NPTN: variants seen among roughly 807,000 people sequenced by gnomAD.
The protein encoded by NPTN is SDR-1.
A neutral mutation model predicts 42.7 loss-of-function variants in NPTN; 5 were observed. That is an observed-to-expected ratio of 0.12 (90% CI 0.06 to 0.25). The LOEUF (loss-of-function observed/expected upper bound fraction) is 0.25, where lower values mean the gene tolerates loss of function less well. Ranked by LOEUF, NPTN falls within the 10% of genes least tolerant of loss-of-function variation. The pLI is 1.00. For synonymous variants in NPTN, 180 were observed against 201.9 expected (o/e 0.89, Z 0.92); for missense variants, 307 against 525.4 (o/e 0.58, Z 4.06).
At chr15:73,575,219 G>A (rs1429190482) in intron 4 of NPTN, among the ~76,000 whole-genome samples, 1 of 152,068 alleles carries the variant, frequency 6.6e-6, no homozygotes, top group Non-Finnish European at 1.5e-5. Flanking sequence ...CTGACCTCAG[G>A]TGTTCTGCCC....
intron 4 of NPTN, among the ~76,000 whole-genome samples, 188 bp downstream of exon 4, chr15:73,587,336 C>T (rs1896365111): frequency 6.6e-6 from 1 of 152,156 alleles, no homozygotes; most frequent in African/African-American, 2.4e-5. Context: ...CAAGGCCACA[C>T]AGCTAGTAGA....
At chr15:73,576,189 C>G (rs1895687301) in intron 4 of NPTN, among the ~76,000 whole-genome samples, 1 of 152,206 alleles carries the variant, frequency 6.6e-6, no homozygotes, top group Admixed American at 6.5e-5. Context: ...ATTCATCTGG[C>G]AAACACCTGC....
At chr15:73,608,104 G>C (rs145435304) in intron 1 of NPTN, among the ~76,000 whole-genome samples, 4 of 152,318 alleles carry the variant, frequency 2.6e-5, no homozygotes, top group African/African-American at 7.2e-5. Context: ...GTGTCACTAT[G>C]ATTTCAAAAC....
At chr15:73,621,558 G>A (rs1346235286) in intron 1 of NPTN, among the ~76,000 whole-genome samples, 1 of 152,096 alleles carries the variant, frequency 6.6e-6, no homozygotes, top group Non-Finnish European at 1.5e-5. Flanking sequence ...AACTCTATGG[G>A]TTAAGTATTA....
At chr15:73,578,117 A>T (rs1178532658) in intron 4 of NPTN, among the ~76,000 whole-genome samples, 1 of 152,106 alleles carries the variant, frequency 6.6e-6, no homozygotes, top group Admixed American at 6.6e-5. Flanking sequence ...AGGAGAAGAG[A>T]GCAGGAAATA....
At chr15:73,567,448 T>A (rs1206386086) in intron 6 of NPTN, 1 of 985,246 alleles carries the variant, frequency 1.0e-6, no homozygotes, top group African/African-American at 1.7e-5. Context: ...ATGTACCTCT[T>A]CGTTTATTCC....
intron 1 of NPTN, among the ~76,000 whole-genome samples, chr15:73,609,671 C>T (rs1482636499): frequency 6.6e-6 from 1 of 152,026 alleles, no homozygotes; most frequent in Non-Finnish European, 1.5e-5. Flanking sequence ...ACAAAGAATC[C>T]TTACCTTCTG....
chr15:73,563,198 T>C, intron 7 of NPTN, 38 bp downstream of exon 7: 1 of 1,336,420 alleles, frequency 7.5e-7, no homozygotes, highest in Non-Finnish European at 1.1e-6. Flanking sequence ...CATCATTCAA[T>C]CAGATACTGT....
rs1895265120 is a variant in NPTN, at chr15:73,569,905, CCAAA to C, written c.1114+241_1114+244del. 1 of 679,864 alleles carries C rather than the reference CCAAA, an allele frequency of 1.5e-6. No homozygotes were observed. The highest frequency in any genetic ancestry group is 1.8e-6 in the Non-Finnish European group (1 of 551,986). 42.1% of individuals were successfully genotyped at this position (679,864 alleles called of 1,614,324 possible). ...GATGGGACTAGGGTTTGGAAAACAC[CCAAA>C]CAGAGGGAGAGAGCTAAGGACAGCT... On this transcript the variant is annotated intron_variant, in intron 6 of 8. Coordinates refer to ENST00000345330, the MANE Select transcript of NPTN (RefSeq NM_012428.4). This position sits in a 1 kb window ranked among gnomAD's most constrained non-coding sequence, Gnocchi z 4.1.
chr15:73,575,438 A>G (rs2141368220), intron 4 of NPTN, among the ~76,000 whole-genome samples: 1 of 152,376 alleles, frequency 6.6e-6, no homozygotes, highest in Non-Finnish European at 1.5e-5. Context: ...ATCTGAGAGC[A>G]ATAAAAGTCA....
chr15:73,571,708 G>GA (rs927742585), intron 5 of NPTN, among the ~76,000 whole-genome samples: 2 of 152,030 alleles, frequency 1.3e-5, no homozygotes, highest in African/African-American at 4.8e-5. Context: ...TCCCGGCAGG[G>GA]AAAAAACAGA....
At chr15:73,633,101 G>C (rs769489029) in intron 1 of NPTN, 24 bp downstream of exon 1, 1 of 1,416,550 alleles carries the variant, frequency 7.1e-7, no homozygotes, top group Non-Finnish European at 9.2e-7. Flanking sequence ...CCCCCGCCCG[G>C]CCCGCCCCCG....
intron 4 of NPTN, among the ~76,000 whole-genome samples, chr15:73,577,131 G>GGCT (rs1895741821): frequency 6.6e-6 from 1 of 152,124 alleles, no homozygotes; most frequent in African/African-American, 2.4e-5. Context: ...CCTTACAGTA[G>GGCT]GCTGTTCACT....
intron 1 of NPTN, among the ~76,000 whole-genome samples, chr15:73,609,446 T>C (rs765181078): frequency 1.6e-4 from 24 of 152,198 alleles, no homozygotes; most frequent in East Asian, 3.9e-4. Flanking sequence ...CTGGCCAACA[T>C]GGTGAAACCC....
chr15:73,590,464 T>TA (rs1203481122), intron 3 of NPTN, among the ~76,000 whole-genome samples: 1 of 151,932 alleles, frequency 6.6e-6, no homozygotes, highest in Non-Finnish European at 1.5e-5. Flanking sequence ...GGAGGTATCA[T>TA]AAAAAACAAG....
At chr15:73,591,887 C>T (rs1406374332) in intron 3 of NPTN, 79 bp downstream of exon 3, 32 of 1,382,058 alleles carry the variant, frequency 2.3e-5, no homozygotes, top group South Asian at 1.5e-4. Context: ...TTCTGCATGG[C>T]GCAACTATGG....
chr15:73,567,002 CTTTTT>C lies in NPTN; in HGVS notation c.1114+3143_1114+3147del, dbSNP rs10539085. 7,691 of 825,698 alleles carry C rather than the reference CTTTTT, an allele frequency of 9.3e-3. 2 individuals carry two copies. The highest frequency in any genetic ancestry group is 0.014 in the South Asian group (239 of 17,434). 51.1% of individuals were successfully genotyped at this position (825,698 alleles called of 1,614,324 possible). On this transcript the variant is annotated intron_variant, in intron 6 of 8. Transcript: ENST00000345330. Reference sequence around the variant, plus strand: ...GTAGGTAAAGAAAAAAGACATGGGGCTTTTTTTTTTTTTTTTTTTTTAAAGGAAGC... The same window carrying C: ...GTAGGTAAAGAAAAAAGACATGGGGCTTTTTTTTTTTTTTTTAAAGGAAGC...
intron 1 of NPTN, among the ~76,000 whole-genome samples, chr15:73,610,448 G>C (rs1318564716): frequency 6.6e-6 from 1 of 152,148 alleles, no homozygotes; most frequent in Admixed American, 6.5e-5. Flanking sequence ...ATATGAGTGA[G>C]AACATGCAGT....
In NPTN at chr15:73,597,852, T is replaced by C. The variant is rs1787026262; in HGVS notation, c.92-483A>G. Among the ~76,000 whole-genome samples the C allele has an allele frequency of 6.6e-6, 1 of 152,248 alleles. No individual in the cohort carries two copies. The highest frequency in any genetic ancestry group is 2.4e-5 in the African/African-American group (1 of 41,468). ...AACGCTTTGTTAGAAATGCAGTGTCTTTTGCAAGCCTCAACAAGAAGTATT... is the reference window on the plus strand; with the variant it reads ...AACGCTTTGTTAGAAATGCAGTGTCCTTTGCAAGCCTCAACAAGAAGTATT... On this transcript the variant is annotated intron_variant, in intron 1 of 8. Coordinates refer to ENST00000345330, the MANE Select transcript of NPTN (RefSeq NM_012428.4). This position sits in a 1 kb window ranked among gnomAD's most constrained non-coding sequence, Gnocchi z 6.3.
Sources: allele counts gnomAD v4.1 joint callset (sites outside exome capture counted in the v4.1 genomes callset), GRCh38; gene constraint gnomAD v4.1.1; non-coding constraint Gnocchi (gnomAD v3.1); transcripts MANE v1.5; gene names NCBI Gene and HGNC (gene_info 2026-07-23, HGNC 2026-07-21).